SMARCC1: variants seen among roughly 807,000 people sequenced by gnomAD.
The protein encoded by SMARCC1 is SWI/SNF complex subunit SMARCC1.
Under a neutral mutation model 147.4 loss-of-function variants are expected in SMARCC1, and 43 were observed. The observed-to-expected ratio is 0.29, with a 90% CI of 0.23 to 0.38. The LOEUF is 0.38. SMARCC1 is among the 10% of genes least tolerant of loss of function. The pLI, the probability that SMARCC1 is intolerant of heterozygous loss-of-function variation, is 1.00. For synonymous variants in SMARCC1, 495 were observed against 484.4 expected (o/e 1.02, Z -0.29); for missense variants, 1,119 against 1,381.1 (o/e 0.81, Z 3.01).
intron 6 of SMARCC1, among the ~76,000 whole-genome samples, chr3:47,723,349 T>G (rs1462141825): frequency 6.7e-6 from 1 of 149,734 alleles, no homozygotes; most frequent in Non-Finnish European, 1.5e-5. Context: ...TGGGTTTTTT[T>G]GTTGGGTTTT....
At chr3:47,621,279 A>G (rs2032726768) in intron 25 of SMARCC1, among the ~76,000 whole-genome samples, 1 of 150,444 alleles carries the variant, frequency 6.6e-6, no homozygotes, top group Non-Finnish European at 1.5e-5. Flanking sequence ...CAGCCTGGCA[A>G]CAGGGCGAGA....
chr3:47,654,512 G>C (rs1370617574), intron 21 of SMARCC1, among the ~76,000 whole-genome samples: 1 of 152,196 alleles, frequency 6.6e-6, no homozygotes, highest in Non-Finnish European at 1.5e-5. Flanking sequence ...TTGCGCAGAG[G>C]ACTGGGATCT....
At chr3:47,599,449 T>C (rs1222509656) in intron 26 of SMARCC1, among the ~76,000 whole-genome samples, 1 of 152,212 alleles carries the variant, frequency 6.6e-6, no homozygotes, top group African/African-American at 2.4e-5. Context: ...AGGCACTATA[T>C]TTAAGAGTTT....
At chr3:47,774,307 A>G (rs2034949142) in intron 1 of SMARCC1, among the ~76,000 whole-genome samples, 1 of 147,016 alleles carries the variant, frequency 6.8e-6, no homozygotes, top group Admixed American at 7.0e-5. Flanking sequence ...CCCCGTCTCC[A>G]CTAAAAAACA....
chr3:47,709,574 T>C (rs909572669), intron 9 of SMARCC1, among the ~76,000 whole-genome samples: 22 of 151,924 alleles, frequency 1.4e-4, no homozygotes, highest in African/African-American at 4.8e-4. Flanking sequence ...TAGTCCCAAC[T>C]ACTTGGGAGG....
chr3:47,745,331 C>T (rs76134170), intron 3 of SMARCC1, among the ~76,000 whole-genome samples: 4,102 of 152,272 alleles, frequency 0.027, 178 homozygotes, highest in African/African-American at 0.092. Flanking sequence ...TATACACACA[C>T]ATTTCATGGC....
At chr3:47,738,985 T>C (rs914317462) in intron 3 of SMARCC1, among the ~76,000 whole-genome samples, 8 of 152,254 alleles carry the variant, frequency 5.3e-5, no homozygotes, top group African/African-American at 9.6e-5. Context: ...CTCCAATGTC[T>C]CTTTACATTA....
chr3:47,760,468 C>T (rs911837396), intron 2 of SMARCC1, among the ~76,000 whole-genome samples: 3 of 152,080 alleles, frequency 2.0e-5, no homozygotes, highest in Non-Finnish European at 2.9e-5. Flanking sequence ...TGGAGACCAG[C>T]CTGGCCAACA....
At chr3:47,599,588 G>C (rs1242349826) in intron 26 of SMARCC1, among the ~76,000 whole-genome samples, 3 of 152,186 alleles carry the variant, frequency 2.0e-5, no homozygotes, top group Admixed American at 2.0e-4. Flanking sequence ...AAATGAGGGA[G>C]CTCAGATCTG....
chr3:47,759,487 G>A (rs572016627), intron 2 of SMARCC1, among the ~76,000 whole-genome samples: 4 of 151,298 alleles, frequency 2.6e-5, no homozygotes, highest in South Asian at 2.1e-4. Flanking sequence ...CGAGCATGGT[G>A]GGGCGTGCCT....
At chr3:47,678,487 G>A (rs1206681654) in intron 15 of SMARCC1, 176 bp from the exon 16 acceptor site, 20 of 413,272 alleles carry the variant, frequency 4.8e-5, no homozygotes, top group African/African-American at 8.2e-5. Context: ...TTAGAACCAC[G>A]AATATGCAAA....
intron 2 of SMARCC1, among the ~76,000 whole-genome samples, chr3:47,749,821 G>A (rs953519984): frequency 6.6e-6 from 1 of 151,494 alleles, no homozygotes; most frequent in Non-Finnish European, 1.5e-5. Context: ...GGTGGCTCAC[G>A]CCTACAATCC....
chr3:47,627,728 T>A lies in SMARCC1; in HGVS notation c.2647-5387A>T, dbSNP rs533983344. 2.6e-4 allele frequency among the ~76,000 whole-genome samples: 39 copies of A among 152,316 alleles called. No homozygotes were observed. The South Asian group carries it at 7.7e-3, about 30-fold the overall frequency. ...GACATGAGGGCCTCTAAGCATCTTTTAGATGTTTTTTTGAGACAGGATCTC... is the reference window on the plus strand; with the variant it reads ...GACATGAGGGCCTCTAAGCATCTTTAAGATGTTTTTTTGAGACAGGATCTC... On this transcript the variant is annotated intron_variant, in intron 24 of 27. Coordinates refer to ENST00000254480, the MANE Select transcript of SMARCC1 (RefSeq NM_003074.4).
chr3:47,670,242 T>C (rs1358962863), intron 19 of SMARCC1: 7 of 164,088 alleles, frequency 4.3e-5, no homozygotes, highest in African/African-American at 1.4e-4. Flanking sequence ...ACATTTGTGA[T>C]TGAGTTTTGA....
chr3:47,625,361 A>G (rs2032793925), intron 24 of SMARCC1, among the ~76,000 whole-genome samples: 1 of 152,162 alleles, frequency 6.6e-6, no homozygotes, highest in Admixed American at 6.5e-5. Context: ...CAGCCTCCCA[A>G]GTAGCTGGGA....
At chr3:47,763,865 A>T (rs936005196) in intron 2 of SMARCC1, among the ~76,000 whole-genome samples, 1 of 151,292 alleles carries the variant, frequency 6.6e-6, no homozygotes, top group African/African-American at 2.4e-5. Context: ...GACCACAGGC[A>T]TGCACCACCA....
At chr3:47,685,348 T>G (rs1227814357) in intron 14 of SMARCC1, among the ~76,000 whole-genome samples, 1 of 152,216 alleles carries the variant, frequency 6.6e-6, no homozygotes, top group Non-Finnish European at 1.5e-5. Flanking sequence ...TGTTTACTTC[T>G]GGAAATTTTC....
intron 21 of SMARCC1, among the ~76,000 whole-genome samples, chr3:47,642,419 G>A (rs1246780649): frequency 6.6e-6 from 1 of 152,034 alleles, no homozygotes; most frequent in African/African-American, 2.4e-5. Flanking sequence ...GTGAAACCCC[G>A]TCTCTACTAA....
chr3:47,616,560 C>G (rs942118073), intron 25 of SMARCC1, among the ~76,000 whole-genome samples: 1 of 152,086 alleles, frequency 6.6e-6, no homozygotes, highest in African/African-American at 2.4e-5. Flanking sequence ...GTTCTCCTGC[C>G]TCAGCCTCCC....
Sources: allele counts gnomAD v4.1 joint callset (sites outside exome capture counted in the v4.1 genomes callset), GRCh38; gene constraint gnomAD v4.1.1; transcripts MANE v1.5; gene names NCBI Gene and HGNC (gene_info 2026-07-23, HGNC 2026-07-21).